Variants in RTN4 observed in about 807,000 individuals in gnomAD.
RTN4 encodes the protein reticulon-4.
Under a neutral mutation model 90.4 loss-of-function variants are expected in RTN4, and 32 were observed. That is an observed-to-expected ratio of 0.35 (90% CI 0.27 to 0.48). The LOEUF is 0.48. Among genes scored for constraint, RTN4 ranks in the 20% least tolerant of loss-of-function variants. RTN4 has a pLI of 0.99. For missense variants in RTN4, 1,706 were observed against 1,430.2 expected (o/e 1.19, Z -3.11); for synonymous variants, 629 against 552.5 (o/e 1.14, Z -1.94).
At chr2:55,130,942 A>G in the RTN4 span, among the ~76,000 whole-genome samples, 144,666 of 152,270 alleles carry the variant, frequency 0.95, 68,815 homozygotes, top group African/African-American at 0.98. Flanking sequence ...CCACTCTCCT[A>G]ATAGTAGGTT....
intron 2 of RTN4, among the ~76,000 whole-genome samples, chr2:55,068,880 TC>T (rs1668440342): frequency 6.6e-6 from 1 of 152,232 alleles, no homozygotes; most frequent in African/African-American, 2.4e-5. Context: ...AGGACCTTCT[TC>T]AGTGAAACCG....
chr2:55,101,648 G>GGT (rs1210644633), intron 1 of RTN4, among the ~76,000 whole-genome samples: 9 of 152,188 alleles, frequency 5.9e-5, no homozygotes, highest in African/African-American at 2.2e-4. Flanking sequence ...CAATGTGCTA[G>GGT]GTATGCAAGT....
At chr2:55,111,980 T>C (rs1363412787) in intron 1 of RTN4, among the ~76,000 whole-genome samples, 1 of 152,106 alleles carries the variant, frequency 6.6e-6, no homozygotes, top group Non-Finnish European at 1.5e-5. Flanking sequence ...AGCAGTTAAT[T>C]GCAATGAGTC....
chr2:55,063,717 C>T (rs1668341804), intron 2 of RTN4, among the ~76,000 whole-genome samples: 2 of 151,880 alleles, frequency 1.3e-5, no homozygotes, highest in Non-Finnish European at 2.9e-5. Context: ...CCCGTCTCCA[C>T]TGAAAATACA....
At chr2:55,018,487 T>G (rs754723575) in intron 3 of RTN4, among the ~76,000 whole-genome samples, 4 of 152,084 alleles carry the variant, frequency 2.6e-5, no homozygotes, top group African/African-American at 9.7e-5. Flanking sequence ...TTAGGCAGGG[T>G]TGCAGAGTAG....
At chr2:55,053,697 A>G (rs1668139580), upstream of RTN4, among the ~76,000 whole-genome samples, 2 of 37,188 alleles carry the variant, frequency 5.4e-5, no homozygotes, top group African/African-American at 1.7e-4. Context: ...AAAAAAAAAC[A>G]AAAAAAAAAA....
intron 2 of RTN4, among the ~76,000 whole-genome samples, chr2:55,069,689 C>T (rs1558866549): frequency 6.6e-6 from 1 of 152,178 alleles, no homozygotes; most frequent in Non-Finnish European, 1.5e-5. Flanking sequence ...GGCAGATAAG[C>T]AGTCTCCCAG....
the RTN4 span, among the ~76,000 whole-genome samples, chr2:55,134,950 G>A: frequency 3.4e-3 from 525 of 152,238 alleles, 6 homozygotes; most frequent in African/African-American, 0.012. Context: ...AATGTGAGTC[G>A]GAAGTGAGCT....
At chr2:55,121,571 T>C in the RTN4 span, among the ~76,000 whole-genome samples, 38 of 152,238 alleles carry the variant, frequency 2.5e-4, no homozygotes, top group Admixed American at 2.4e-3. Context: ...TCATAGAGCA[T>C]CTATCAAAGT....
At chr2:55,033,240 A>G (rs1167907193) in intron 1 of RTN4, among the ~76,000 whole-genome samples, 1 of 152,162 alleles carries the variant, frequency 6.6e-6, no homozygotes, top group Non-Finnish European at 1.5e-5. Context: ...AGAGGAAAAA[A>G]GCAGGTAAAC....
At chr2:54,987,052 G>A (rs1391351994) in intron 4 of RTN4, among the ~76,000 whole-genome samples, 2 of 151,958 alleles carry the variant, frequency 1.3e-5, no homozygotes, top group African/African-American at 2.4e-5. Flanking sequence ...CTTAAGAAAC[G>A]AGAAGAAACT....
intron 1 of RTN4, among the ~76,000 whole-genome samples, chr2:55,034,710 T>C (rs947902140): frequency 2.0e-5 from 3 of 152,160 alleles, no homozygotes; most frequent in Non-Finnish European, 4.4e-5. Context: ...ATGGTAAATA[T>C]ATATGTAGAT....
At position 55,025,954 on chromosome 2, in the gene RTN4, G is replaced by A. The variant is rs755702577; in HGVS notation, c.2145C>T (p.Phe715=). The A allele has an allele frequency of 1.9e-6, 3 of 1,612,986 alleles. No homozygotes were observed. The East Asian group carries it at 6.7e-5, about 36-fold the overall frequency. The stretch of plus-strand genomic sequence containing the variant: ...CTTTTGCCATTTCTGAATAATCAGA[G>A]AAATCCGGAGCTGGTTCAGCAGAAA... The part of the protein sequence containing the change: ...TKLSAEPAPD[F]SDYSEMAKVE... The change falls in exon 3 of 9, where the codon TTC becomes TTT. Residue 715 remains phenylalanine, a synonymous_variant. Coordinates refer to ENST00000337526, the MANE Select transcript of RTN4 (RefSeq NM_020532.5).
At chr2:55,016,611 G>T (rs1681061913) in intron 3 of RTN4, among the ~76,000 whole-genome samples, 1 of 151,954 alleles carries the variant, frequency 6.6e-6, no homozygotes, top group Non-Finnish European at 1.5e-5. Flanking sequence ...AAACACATGT[G>T]CATTGAAAGT....
chr2:55,113,952 G>A (rs553216205), upstream of RTN4, among the ~76,000 whole-genome samples: 3 of 152,332 alleles, frequency 2.0e-5, no homozygotes, highest in South Asian at 2.1e-4. Context: ...AAACTGGGCT[G>A]TGAAAGAAAC....
At chr2:55,020,508 A>G (rs1035682515) in intron 3 of RTN4, among the ~76,000 whole-genome samples, 3 of 152,110 alleles carry the variant, frequency 2.0e-5, no homozygotes, top group Non-Finnish European at 4.4e-5. Flanking sequence ...CAGTATTTAC[A>G]TTCCAATAGT....
chr2:54,986,219 A>T (rs1279909297), intron 4 of RTN4, among the ~76,000 whole-genome samples: 2 of 152,222 alleles, frequency 1.3e-5, no homozygotes, highest in Non-Finnish European at 2.9e-5. Flanking sequence ...TCTTTAGAAA[A>T]AAAGTGGTAC....
chr2:55,051,994 T>C (rs1268959254), upstream of RTN4, among the ~76,000 whole-genome samples: 1 of 152,240 alleles, frequency 6.6e-6, no homozygotes. Context: ...TGGCAAATTC[T>C]TAGCTCCAAC....
Position 54,973,602 on chromosome 2 carries a change from A to AGAT in RTN4, c.3494_3496dup (p.Tyr1165_Leu1166insHis), listed in dbSNP as rs1224601828. On this transcript the variant is annotated inframe_insertion, in exon 8 of 9. Coordinates refer to ENST00000337526, the MANE Select transcript of RTN4 (RefSeq NM_020532.5). ...TTTAACATTCTTATTTGCAAGTCCT[A>AGAT]GATAATGATCTATCTGTGCCTGAAA... The AGAT allele has an allele frequency of 6.2e-7, 1 of 1,610,646 alleles. No individual in the cohort carries two copies. The highest frequency in any genetic ancestry group is 8.5e-7 in the Non-Finnish European group (1 of 1,176,936).
Sources: allele counts gnomAD v4.1 joint callset (sites outside exome capture counted in the v4.1 genomes callset), GRCh38; gene constraint gnomAD v4.1.1; transcripts MANE v1.5; gene names NCBI Gene and HGNC (gene_info 2026-07-23, HGNC 2026-07-21).